Variants in SMYD3 observed in about 807,000 individuals in gnomAD.
SMYD3 encodes histone-lysine N-methyltransferase SMYD3.
SMYD3 carries 36 observed loss-of-function variants against 57.7 expected under a neutral mutation model. That is an observed-to-expected ratio of 0.62 (90% confidence interval 0.48 to 0.82). The LOEUF (loss-of-function observed/expected upper bound fraction) is 0.82, where lower values mean the gene tolerates loss of function less well. Ranked by LOEUF, SMYD3 falls within the 40% of genes least tolerant of loss-of-function variation. The pLI, the probability that SMYD3 is intolerant of heterozygous loss-of-function variation, is 0.00. For synonymous variants in SMYD3, 211 were observed against 195.0 expected (o/e 1.08, Z -0.68); for missense variants, 515 against 538.8 (o/e 0.96, Z 0.44).
chr1:246,099,249 GT>G (rs1332218048), intron 5 of SMYD3, among the ~76,000 whole-genome samples: 5 of 152,026 alleles, frequency 3.3e-5, no homozygotes, highest in African/African-American at 1.2e-4. Flanking sequence ...TGAATAAACA[GT>G]TCTCTAAGTT....
chr1:245,801,180 T>TATACTAGAGCCAATTACAAATGTTTAA (rs2047842551), intron 10 of SMYD3, among the ~76,000 whole-genome samples: 1 of 152,242 alleles, frequency 6.6e-6, no homozygotes, highest in Non-Finnish European at 1.5e-5. Context: ...TGCTACGTAT[T>TATACTAGAGCCAATTACAAATGTTTAA]ATACTAGAGC....
At chr1:245,936,999 T>C (rs974831794) in intron 5 of SMYD3, among the ~76,000 whole-genome samples, 4 of 152,206 alleles carry the variant, frequency 2.6e-5, no homozygotes, top group Non-Finnish European at 5.9e-5. Context: ...CACTTTGTAA[T>C]ACAAGTCAAG....
intron 8 of SMYD3, among the ~76,000 whole-genome samples, chr1:245,896,561 G>A (rs2053817100): frequency 6.6e-6 from 1 of 152,114 alleles, no homozygotes; most frequent in Non-Finnish European, 1.5e-5. Flanking sequence ...ACATAAAAAT[G>A]GTGAGTACAG....
intron 5 of SMYD3, among the ~76,000 whole-genome samples, chr1:246,155,541 C>T (rs2062008837): frequency 6.6e-6 from 1 of 152,214 alleles, no homozygotes. Flanking sequence ...CTGATCATCA[C>T]ATAATTTCTC....
intron 8 of SMYD3, among the ~76,000 whole-genome samples, chr1:245,894,208 T>C (rs960816749): frequency 6.6e-6 from 1 of 152,060 alleles, no homozygotes; most frequent in African/African-American, 2.4e-5. Context: ...AACGCACCAA[T>C]CAGCGCTCTG....
At chr1:245,756,809 T>TC (rs1014429931) in intron 11 of SMYD3, among the ~76,000 whole-genome samples, 1 of 151,778 alleles carries the variant, frequency 6.6e-6, no homozygotes, top group Admixed American at 6.6e-5. Context: ...CTTTTTTTTT[T>TC]TTTGTCTTTA....
chr1:246,163,646 T>C (rs1414138561), intron 5 of SMYD3, among the ~76,000 whole-genome samples: 1 of 152,250 alleles, frequency 6.6e-6, no homozygotes, highest in Non-Finnish European at 1.5e-5. Context: ...ACTCAATGTT[T>C]ATTAATTTAG....
chr1:246,325,630 T>G (rs1251103464), intron 5 of SMYD3, among the ~76,000 whole-genome samples: 1 of 152,140 alleles, frequency 6.6e-6, no homozygotes, highest in Non-Finnish European at 1.5e-5. Flanking sequence ...TACATGAGAC[T>G]AAAATCTTCA....
chr1:245,793,058 C>T (rs564673162), intron 10 of SMYD3, among the ~76,000 whole-genome samples: 6 of 126,330 alleles, frequency 4.7e-5, no homozygotes, highest in South Asian at 2.9e-4. Context: ...TGCCTGTAAT[C>T]CCAGCACTTT....
At chr1:246,371,596 A>T (rs1477955684) in intron 1 of SMYD3, among the ~76,000 whole-genome samples, 1 of 152,238 alleles carries the variant, frequency 6.6e-6, no homozygotes, top group East Asian at 1.9e-4. Context: ...TACATTTTTA[A>T]AAAGTACCAT....
intron 11 of SMYD3, among the ~76,000 whole-genome samples, chr1:245,754,642 C>G (rs769666569): frequency 2.0e-5 from 3 of 152,168 alleles, no homozygotes; most frequent in Admixed American, 6.5e-5. Context: ...CTCAGCAGCA[C>G]CCCTGGAGAC....
chr1:245,914,277 T>C (rs2055235058), intron 8 of SMYD3, among the ~76,000 whole-genome samples: 13 of 152,212 alleles, frequency 8.5e-5, no homozygotes, highest in Admixed American at 8.5e-4. Context: ...TGGGTATTTA[T>C]CCAAAGGATA....
At chr1:246,418,374 G>C (rs1268576982) in intron 1 of SMYD3, among the ~76,000 whole-genome samples, 1 of 152,192 alleles carries the variant, frequency 6.6e-6, no homozygotes, top group East Asian at 1.9e-4. Context: ...CCTCTAGGGG[G>C]AGCATACAGA....
intron 5 of SMYD3, among the ~76,000 whole-genome samples, chr1:246,238,493 G>C (rs1001602547): frequency 1.3e-5 from 2 of 152,106 alleles, no homozygotes; most frequent in Non-Finnish European, 2.9e-5. Context: ...TCAACAGGCA[G>C]CATTCACAAT....
intron 1 of SMYD3, among the ~76,000 whole-genome samples, chr1:246,506,372 C>T (rs1276764570): frequency 6.6e-6 from 1 of 152,208 alleles, no homozygotes; most frequent in Non-Finnish European, 1.5e-5. Flanking sequence ...GACATGCCTG[C>T]ACAGCCATTA....
At chr1:246,191,869 A>T (rs1420550099) in intron 5 of SMYD3, among the ~76,000 whole-genome samples, 1 of 152,232 alleles carries the variant, frequency 6.6e-6, no homozygotes, top group Non-Finnish European at 1.5e-5. Flanking sequence ...AACTTGTTCA[A>T]ATGCAGTTGA....
At chr1:246,182,889 T>G (rs2062576553) in intron 5 of SMYD3, among the ~76,000 whole-genome samples, 1 of 152,070 alleles carries the variant, frequency 6.6e-6, no homozygotes, top group Non-Finnish European at 1.5e-5. Context: ...AAAATCACAA[T>G]ACCAGGTTTT....
intron 5 of SMYD3, among the ~76,000 whole-genome samples, chr1:245,966,434 G>T (rs1350472891): frequency 6.6e-6 from 1 of 152,126 alleles, no homozygotes; most frequent in African/African-American, 2.4e-5. Flanking sequence ...CTCACAAAGG[G>T]CCGGGATTAC....
intron 5 of SMYD3, among the ~76,000 whole-genome samples, chr1:246,165,465 G>C (rs1271764024): frequency 2.6e-5 from 4 of 152,142 alleles, no homozygotes; most frequent in South Asian, 4.2e-4. Context: ...AATAATAAAA[G>C]AGTGAGCTCT....
Sources: gnomAD v4.1 joint callset for allele counts (sites outside exome capture counted in the v4.1 genomes callset) on GRCh38, gnomAD v4.1.1 for gene constraint, MANE v1.5 for transcripts, NCBI Gene and HGNC (gene_info 2026-07-23, HGNC 2026-07-21) for gene names.